TARS1: variants seen among roughly 807,000 people sequenced by gnomAD.
The protein encoded by TARS1 is threonyl-tRNA synthetase 1, also known as threonine--tRNA ligase 1, cytoplasmic.
TARS1 carries 57 observed loss-of-function variants against 97.7 expected under a neutral mutation model. The observed-to-expected ratio is 0.58, with a 90% CI of 0.47 to 0.73. The LOEUF is 0.73. Ranked by LOEUF, TARS1 falls within the 30% of genes least tolerant of loss-of-function variation. The pLI, the probability that TARS1 is intolerant of heterozygous loss-of-function variation, is 0.00. For synonymous variants in TARS1, 312 were observed against 293.7 expected (o/e 1.06, Z -0.64); for missense variants, 806 against 888.3 (o/e 0.91, Z 1.18).
chr5:33,447,624 T>C (rs1241358019), intron 2 of TARS1, among the ~76,000 whole-genome samples: 1 of 145,486 alleles, frequency 6.9e-6, no homozygotes, highest in Non-Finnish European at 1.5e-5. Context: ...TGGAGACATA[T>C]GTATGGAGAC....
At chr5:33,466,506 A>G (rs1742534388) in intron 17 of TARS1, among the ~76,000 whole-genome samples, 1 of 152,220 alleles carries the variant, frequency 6.6e-6, no homozygotes, top group Non-Finnish European at 1.5e-5. Context: ...TTCATATGAA[A>G]TGATAGTGAA....
At position 33,458,566 on chromosome 5, in the gene TARS1, G is replaced by C; in HGVS notation, c.985G>C (p.Asp329His). ...KNRDHRKIGR[D>H]QELYFFHELS... ...ATTCTTTTGCTTTTCTTTTACCCAG[G>C]ACCAAGAACTATATTTCTTTCATGA... Residue 329 changes from aspartate to histidine, a missense_variant and splice_region_variant, in exon 10 of 19, where the codon GAC becomes CAC. This residue lies in a region of TARS1 where 446 missense variants were observed against 511.0 expected (regional missense o/e 0.87). Coordinates refer to ENST00000265112, the MANE Select transcript of TARS1 (RefSeq NM_152295.5). 3 of 1,611,674 alleles carry C rather than the reference G, an allele frequency of 1.9e-6. No individual in the cohort carries two copies. Among genetic ancestry groups the C allele is most frequent in the Non-Finnish European group, 2.5e-6 (3 of 1,179,228 alleles).
At chr5:33,456,110 A>G (rs771276199) in intron 7 of TARS1, 39 bp from the exon 8 acceptor site, 1 of 1,612,986 alleles carries the variant, frequency 6.2e-7, no homozygotes, top group Non-Finnish European at 8.5e-7. Context: ...TATGTATGTC[A>G]TTTTGTCTTT....
chr5:33,446,694 C>A, intron 2 of TARS1: 1 of 1,289,304 alleles, frequency 7.8e-7, no homozygotes, highest in Non-Finnish European at 1.0e-6. Flanking sequence ...GATTTTGACA[C>A]GAAATTCTAA....
At chr5:33,459,966 T>G in intron 11 of TARS1, 105 bp downstream of exon 11, 1 of 1,275,606 alleles carries the variant, frequency 7.8e-7, no homozygotes, top group Non-Finnish European at 1.1e-6. Flanking sequence ...AATTATGTGA[T>G]CAGAAGAGCA....
intron 6 of TARS1, 35 bp from the exon 7 acceptor site, chr5:33,455,967 C>G: frequency 1.3e-6 from 2 of 1,586,006 alleles, no homozygotes; most frequent in Non-Finnish European, 1.7e-6. Context: ...AATTAAAGGA[C>G]AGTTTTTTAA....
chr5:33,449,358 T>TATAG (rs59141272), intron 3 of TARS1, among the ~76,000 whole-genome samples: 1,592 of 146,270 alleles, frequency 0.011, 13 homozygotes, highest in South Asian at 0.039. Flanking sequence ...TATATATATA[T>TATAG]CTTAAACTGG....
At position 33,461,163 on chromosome 5, in the gene TARS1, A is replaced by G; in HGVS notation, c.1419A>G (p.Glu473=). 1 of 1,604,426 alleles carries G rather than the reference A, an allele frequency of 6.2e-7. No homozygotes were observed. Among genetic ancestry groups the G allele is most frequent in the Non-Finnish European group, 8.5e-7 (1 of 1,175,452 alleles). The change falls in exon 13 of 19, where the codon GAA becomes GAG. Residue 473 remains glutamate (E), a synonymous_variant. Coordinates refer to ENST00000265112, the MANE Select transcript of TARS1 (RefSeq NM_152295.5). ...AHIFCAMEQI[E]DEIKGCLDFL... ...TTTTGTTTTTTAATTTGAAGATTGAAGATGAAATAAAAGGTTGTTTGGATT... is the reference window on the plus strand; with the variant it reads ...TTTTGTTTTTTAATTTGAAGATTGAGGATGAAATAAAAGGTTGTTTGGATT...
At chr5:33,465,150 T>A (rs1037800272) in intron 17 of TARS1, among the ~76,000 whole-genome samples, 9 of 152,214 alleles carry the variant, frequency 5.9e-5, no homozygotes, top group Non-Finnish European at 1.0e-4. Context: ...CCATTCAGAC[T>A]ATTCCTGTTA....
chr5:33,463,119 C>T (rs748324049), intron 16 of TARS1, among the ~76,000 whole-genome samples: 4 of 152,286 alleles, frequency 2.6e-5, no homozygotes, highest in Middle Eastern at 3.4e-3. Flanking sequence ...CTACTTTAGC[C>T]TTTTGCCTGA....
intron 1 of TARS1, 191 bp downstream of exon 1, chr5:33,441,334 G>C (rs1325242303): frequency 1.6e-6 from 1 of 619,340 alleles, no homozygotes; most frequent in African/African-American, 1.9e-5. Flanking sequence ...AATTAGGGTG[G>C]GGCCTTGCAG....
chr5:33,451,046 G>C, intron 3 of TARS1, among the ~76,000 whole-genome samples: 1 of 152,256 alleles, frequency 6.6e-6, no homozygotes, highest in East Asian at 1.9e-4. Context: ...CTCGGGAGGT[G>C]GAGGTTGCAG....
Position 33,456,178 on chromosome 5 carries a change from G to T in TARS1, c.788G>T (p.Gly263Val). Residue 263 changes from glycine to valine, a missense_variant, in exon 8 of 19, where the codon GGT becomes GTT. By Grantham distance (109) the Gly-to-Val change is moderately radical. Around this residue, in one of 3 missense-constraint regions of TARS1, gnomAD observed 356 missense variants for 357.8 expected, o/e 0.99. Coordinates refer to ENST00000265112, the MANE Select transcript of TARS1 (RefSeq NM_152295.5). ...GGCCCTTTGATAGATCTCTGCCGGG[G>T]TCCTCATGTTAGACACACGGGCAAA... Reference protein sequence around the residue: ...RCGPLIDLCRGPHVRHTGKIK... With the variant: ...RCGPLIDLCRVPHVRHTGKIK... 6.2e-7 allele frequency: 1 copy of T among 1,613,920 alleles called. No homozygotes were observed. Among genetic ancestry groups the T allele is most frequent in the Non-Finnish European group, 8.5e-7 (1 of 1,179,962 alleles).
At chr5:33,445,569 A>AG (rs1313003826) in intron 2 of TARS1, among the ~76,000 whole-genome samples, 165 bp downstream of exon 2, 1 of 152,196 alleles carries the variant, frequency 6.6e-6, no homozygotes, top group East Asian at 1.9e-4. Flanking sequence ...GTAATCTGAG[A>AG]GGGGAAAAAA....
rs576556992 is a variant in TARS1, at chr5:33,457,243, A to G, written c.838-14A>G. The stretch of plus-strand genomic sequence containing the variant: ...AAATTTGAATGTTGTTTCATGGTTA[A>G]TCCTTGTTTTCAGAATTCCTCCACG... On this transcript the variant is annotated splice_polypyrimidine_tract_variant and intron_variant, in intron 8 of 18. Transcript: ENST00000265112. 3 of 1,610,022 alleles carry G rather than the reference A, an allele frequency of 1.9e-6. No individual in the cohort carries two copies. Among genetic ancestry groups the G allele is most frequent in the East Asian group, 4.5e-5 (2 of 44,814 alleles).
chr5:33,451,040 G>A (rs1320139940), intron 3 of TARS1, among the ~76,000 whole-genome samples: 1 of 152,160 alleles, frequency 6.6e-6, no homozygotes, highest in African/African-American at 2.4e-5. Context: ...CTTGAACTCG[G>A]GAGGTGGAGG....
chr5:33,441,148 G>A lies in TARS1; in HGVS notation c.57+5G>A. On this transcript the variant is annotated splice_donor_5th_base_variant and intron_variant, in intron 1 of 18. Transcript: ENST00000265112. The stretch of plus-strand genomic sequence containing the variant: ...ATGGGAGGCGAGGAGAAGCCGGTGA[G>A]CAAACTTGGTGGGACCCAGAGACCA... The A allele has an allele frequency of 6.2e-7, 1 of 1,614,194 alleles. No individual in the cohort carries two copies.
intron 9 of TARS1, among the ~76,000 whole-genome samples, chr5:33,458,018 G>A (rs1742111494): frequency 6.6e-6 from 1 of 152,202 alleles, no homozygotes; most frequent in Non-Finnish European, 1.5e-5. Flanking sequence ...AGCCAGCAAT[G>A]ATTGATGGGC....
In TARS1 at chr5:33,447,395, C is replaced by T. The variant is rs545902708; in HGVS notation, c.139-1146C>T. 2.2e-4 allele frequency among the ~76,000 whole-genome samples: 34 copies of T among 152,160 alleles called. No individual in the cohort carries two copies. The South Asian group carries it at 2.9e-3, about 13-fold the overall frequency. On this transcript the variant is annotated intron_variant, in intron 2 of 18. Transcript: ENST00000265112. ...ACAAGTAGCTGGGACTACAGGTGTG[C>T]GCCACCACACCTGGCTAATTTTTGT...
Sources: allele counts gnomAD v4.1 joint callset (sites outside exome capture counted in the v4.1 genomes callset), GRCh38; gene constraint gnomAD v4.1.1; regional missense constraint gnomAD v4.1.1; transcripts MANE v1.5; gene names NCBI Gene and HGNC (gene_info 2026-07-23, HGNC 2026-07-21).